FERMT1: variants seen among roughly 807,000 people sequenced by gnomAD.
FERMT1 encodes the protein FERM domain containing kindlin 1.
A neutral mutation model predicts 85.3 loss-of-function variants in FERMT1; 60 were observed. The ratio of observed to expected loss-of-function variants is 0.70; its 90% CI spans 0.57 to 0.87. The LOEUF (loss-of-function observed/expected upper bound fraction) is 0.87, where lower values mean the gene tolerates loss of function less well. Among genes scored for constraint, FERMT1 ranks in the 40% least tolerant of loss-of-function variants. The pLI, the probability that FERMT1 is intolerant of heterozygous loss-of-function variation, is 0.00. For synonymous variants in FERMT1, 275 were observed against 301.1 expected (o/e 0.91, Z 0.90); for missense variants, 701 against 818.9 (o/e 0.86, Z 1.76).
At chr20:6,080,564 T>A (rs1981965078) in intron 13 of FERMT1, among the ~76,000 whole-genome samples, 1 of 152,126 alleles carries the variant, frequency 6.6e-6, no homozygotes, top group Admixed American at 6.6e-5. Context: ...CCAAGCAGGA[T>A]CACTCTGGAC....
At chr20:6,085,532 T>C (rs761099960) in intron 11 of FERMT1, among the ~76,000 whole-genome samples, 6 of 152,048 alleles carry the variant, frequency 3.9e-5, no homozygotes, top group Non-Finnish European at 7.4e-5. Context: ...CTTTGATAAA[T>C]TGCATGCAGG....
At position 6,104,610 on chromosome 20, in the gene FERMT1, G is replaced by A. The variant is rs1216398540; in HGVS notation, c.849+2922C>T. Among the ~76,000 whole-genome samples, 1 of 152,168 alleles carries A rather than the reference G, an allele frequency of 6.6e-6. No individual in the cohort carries two copies. The highest frequency in any genetic ancestry group is 2.4e-5 in the African/African-American group (1 of 41,446). On this transcript the variant is annotated intron_variant, in intron 6 of 14. Transcript: ENST00000217289. The surrounding 1 kb of genome is among the most constrained non-coding windows in gnomAD (Gnocchi z 4.2). Reference sequence around the variant, plus strand: ...TGTCACCTTTGGGTTGACAGTTTCTGTGTGGCTGTTAGATTCAAATCGGTT... The same window carrying A: ...TGTCACCTTTGGGTTGACAGTTTCTATGTGGCTGTTAGATTCAAATCGGTT...
rs1046493925 is a variant in FERMT1 at position 6,104,300 on chromosome 20, T to A, written c.849+3232A>T. On this transcript the variant is annotated intron_variant, in intron 6 of 14. Coordinates refer to ENST00000217289, the MANE Select transcript of FERMT1 (RefSeq NM_017671.5). The surrounding 1 kb of genome is among the most constrained non-coding windows in gnomAD (Gnocchi z 4.2). ...GCCAGAGAAGCTCTCTAGTCCTCAC[T>A]GTAGATTTTAGTTTCTACTTGTAGG... is the stretch of plus-strand genomic sequence containing the variant. 6.6e-6 allele frequency among the ~76,000 whole-genome samples: 1 copy of A among 152,246 alleles called. No homozygotes were observed. Among genetic ancestry groups the A allele is most frequent in the Non-Finnish European group, 1.5e-5 (1 of 68,044 alleles).
chr20:6,122,433 C>T (rs1349710263), intron 1 of FERMT1, among the ~76,000 whole-genome samples: 1 of 152,096 alleles, frequency 6.6e-6, no homozygotes, highest in East Asian at 1.9e-4. Flanking sequence ...GGAAACAGTC[C>T]CCGACCCTTC....
rs1981793622 is a variant in FERMT1 at position 6,075,637 on chromosome 20, G to A, written c.*1536C>T. ...CCCTTGCCAAGTCTGTCTCTATGTG[G>A]CTCCCGGAATTGCTGAGGTCTCACT... On this transcript the variant is annotated 3_prime_UTR_variant, in exon 15 of 15. Transcript: ENST00000217289. 6.6e-6 allele frequency: 1 copy of A among 152,242 alleles called. No homozygotes were observed. Among genetic ancestry groups the A allele is most frequent in the Admixed American group, 6.5e-5 (1 of 15,270 alleles). The allele number at this position is 152,242 out of a possible 1,614,324, so 9.4% of individuals were successfully genotyped here. A position where few individuals can be genotyped will look rare whatever the true frequency, so the allele number is the denominator to read the frequency against.
chr20:6,114,190 T>C (rs1168842311), intron 3 of FERMT1, among the ~76,000 whole-genome samples: 4 of 152,180 alleles, frequency 2.6e-5, no homozygotes, highest in Admixed American at 2.6e-4. Flanking sequence ...CCATTCCAAA[T>C]GCATAATTTA....
chr20:6,088,554 T>C (rs1386689741), intron 10 of FERMT1, among the ~76,000 whole-genome samples: 1 of 152,072 alleles, frequency 6.6e-6, no homozygotes. Flanking sequence ...TGACACTGGT[T>C]CTGGTGGTTC....
intron 2 of FERMT1, among the ~76,000 whole-genome samples, chr20:6,118,216 C>G (rs533344943): frequency 1.3e-3 from 202 of 152,190 alleles, no homozygotes; most frequent in African/African-American, 4.8e-3. Context: ...GAAAACGAAC[C>G]AAAACAATAT....
At chr20:6,097,353 G>A (rs1249733418) in intron 7 of FERMT1, among the ~76,000 whole-genome samples, 171 bp downstream of exon 7, 1 of 152,112 alleles carries the variant, frequency 6.6e-6, no homozygotes, top group Non-Finnish European at 1.5e-5. Context: ...TTAAAAATTT[G>A]TTCTGGTCTG....
intron 13 of FERMT1, among the ~76,000 whole-genome samples, chr20:6,083,070 C>T (rs758966468): frequency 6.6e-6 from 1 of 152,180 alleles, no homozygotes; most frequent in Non-Finnish European, 1.5e-5. Context: ...AATTATCCCA[C>T]CCCGAAATTA....
chr20:6,100,770 T>C (rs1385447425), intron 6 of FERMT1, among the ~76,000 whole-genome samples: 1 of 152,144 alleles, frequency 6.6e-6, no homozygotes, highest in Non-Finnish European at 1.5e-5. Flanking sequence ...CTTGACAACC[T>C]AAAATTAAAC....
At chr20:6,087,980 C>A in intron 10 of FERMT1, 97 bp from the exon 11 acceptor site, 1 of 769,680 alleles carries the variant, frequency 1.3e-6, no homozygotes, top group East Asian at 2.5e-5. Flanking sequence ...ATACAAGCCC[C>A]TCAGATTTGC....
Position 6,094,841 on chromosome 20 carries a change from A to G in FERMT1, c.1139+98T>C, listed in dbSNP as rs904917774. On this transcript the variant is annotated intron_variant, in intron 9 of 14. Coordinates refer to ENST00000217289, the MANE Select transcript of FERMT1 (RefSeq NM_017671.5). ...AAAGCGCACATTTTACCTTTGAACC[A>G]TGAACCTGCCTCAGGGATATATAAT... The G allele has an allele frequency of 6.3e-6, 5 of 799,238 alleles. No homozygotes were observed. The African/African-American group carries it at 6.8e-5, about 11-fold the overall frequency. The allele number at this position is 799,238 out of a possible 1,614,324, so 49.5% of individuals were successfully genotyped here. A position where few individuals can be genotyped will look rare whatever the true frequency, so the allele number is the denominator to read the frequency against.
Position 6,096,962 on chromosome 20 carries a change from T to G in FERMT1, c.1029A>C (p.Ile343=), listed in dbSNP as rs1268016214. 6.2e-7 allele frequency: 1 copy of G among 1,614,132 alleles called. No individual in the cohort carries two copies. Among genetic ancestry groups the G allele is most frequent in the Admixed American group, 1.7e-5 (1 of 60,018 alleles). The change falls in exon 8 of 15, where the codon ATA becomes ATC. Residue 343 remains isoleucine, a synonymous_variant. Transcript: ENST00000217289. Reference sequence around the variant, plus strand: ...CTTCCAAATTAGAAAGCGCCGCTTCTATTTCATCAACCTCGGACTCGCCTG... The same window carrying G: ...CTTCCAAATTAGAAAGCGCCGCTTCGATTTCATCAACCTCGGACTCGCCTG... ...DFAGESEVDE[I]EAALSNLEVT... is the part of the protein sequence containing the mutation.
intron 10 of FERMT1, among the ~76,000 whole-genome samples, chr20:6,088,260 A>G (rs1982241247): frequency 2.0e-5 from 3 of 152,182 alleles, no homozygotes; most frequent in African/African-American, 4.8e-5. Flanking sequence ...AAATATTTCA[A>G]TTAATAGATG....
intron 6 of FERMT1, among the ~76,000 whole-genome samples, chr20:6,099,830 TAAAAA>T (rs112369032): frequency 0.1 from 12,205 of 120,426 alleles, 992 homozygotes; most frequent in East Asian, 0.48. Context: ...TCACTGTTTC[TAAAAA>T]AAAAAAAAAA....
At position 6,079,244 on chromosome 20, in the gene FERMT1, G is replaced by A. The variant is rs1484090235; in HGVS notation, c.1860+192C>T. ...GCCAACTTGCAGTGCTAATGCAAGAGCATTTGGCCTGTGCCTGTTAGGAAG... is the reference window on the plus strand; with the variant it reads ...GCCAACTTGCAGTGCTAATGCAAGAACATTTGGCCTGTGCCTGTTAGGAAG... On this transcript the variant is annotated intron_variant, in intron 14 of 14. Transcript: ENST00000217289. Among the ~76,000 whole-genome samples, 8 of 152,262 alleles carry A rather than the reference G, an allele frequency of 5.3e-5. No individual in the cohort carries two copies. In the East Asian group the frequency reaches 1.5e-3, roughly 29 times the overall value.
At chr20:6,091,983 C>A (rs1480883316) in intron 9 of FERMT1, among the ~76,000 whole-genome samples, 1 of 149,408 alleles carries the variant, frequency 6.7e-6, no homozygotes, top group Non-Finnish European at 1.5e-5. Flanking sequence ...GTTGCCCAGA[C>A]TGGGTGGAGT....
intron 6 of FERMT1, among the ~76,000 whole-genome samples, chr20:6,106,570 G>A (rs1039327188): frequency 2.6e-5 from 4 of 152,144 alleles, no homozygotes; most frequent in Admixed American, 1.3e-4. Flanking sequence ...TTATATCGTC[G>A]ACACTGGGCC....
Sources: allele counts gnomAD v4.1 joint callset (sites outside exome capture counted in the v4.1 genomes callset), GRCh38; gene constraint gnomAD v4.1.1; non-coding constraint Gnocchi (gnomAD v3.1); transcripts MANE v1.5; gene names NCBI Gene and HGNC (gene_info 2026-07-23, HGNC 2026-07-21).